The following CNKSR1 variants were observed in gnomAD, a reference collection of about 807,000 sequenced individuals.
The protein encoded by CNKSR1 is connector enhancer of kinase suppressor of Ras 1.
Under a neutral mutation model 95.6 loss-of-function variants are expected in CNKSR1, and 88 were observed. The ratio of observed to expected loss-of-function variants is 0.92; its 90% CI spans 0.78 to 1.10. CNKSR1 has a LOEUF of 1.10. Ranked by LOEUF, CNKSR1 falls within the 50% of genes least tolerant of loss-of-function variation. The pLI, the probability that CNKSR1 is intolerant of heterozygous loss-of-function variation, is 0.00. For synonymous variants in CNKSR1, 355 were observed against 369.7 expected, an observed-to-expected ratio of 0.96 and a Z score of 0.46; for missense variants, 836 against 912.0, an observed-to-expected ratio of 0.92 and a Z score of 1.07.
intron 4 of CNKSR1, 138 bp downstream of exon 4, chr1:26,182,079 C>T (rs1275832602): frequency 2.3e-6 from 2 of 886,828 alleles, no homozygotes; most frequent in Middle Eastern, 3.1e-4. Context: ...GGCCCTGCCA[C>T]TGGGTATGGG....
In CNKSR1 at chr1:26,187,492, G is replaced by A. The variant is rs17163639; in HGVS notation, c.1454+10G>A. 2.0e-3 allele frequency: 3,177 copies of A among 1,613,322 alleles called. 61 individuals carry two copies. The African/African-American group carries it at 0.037, about 19-fold the overall frequency. On this transcript the variant is annotated intron_variant, in intron 16 of 20. Transcript: ENST00000361530. ...TGACAGATCTGAGCATGTGAGTGCC[G>A]CCTCCCTTAGCCCCTACTCTCATAT...
Position 26,188,287 on chromosome 1 carries a change from C to A in CNKSR1, c.1508C>A (p.Ala503Asp). Reference sequence around the variant, plus strand: ...TCCAAGTACCAGTCTCCAGGCCGGGCCCCCCCACCCCGAGAGGAAGGTAGG... The same window carrying A: ...TCCAAGTACCAGTCTCCAGGCCGGGACCCCCCACCCCGAGAGGAAGGTAGG... The part of the protein sequence containing the change: ...CISKYQSPGR[A>D]PPPREEDCYS... Residue 503 changes from alanine (A) to aspartate (D), a missense_variant, in exon 17 of 21, where the codon GCC becomes GAC. Physicochemically the swap from Ala to Asp is moderately radical, Grantham distance 126 (BLOSUM62 -2). Coordinates refer to ENST00000361530, the MANE Select transcript of CNKSR1 (RefSeq NM_006314.3). The A allele has an allele frequency of 6.2e-7, 1 of 1,613,508 alleles. No individual in the cohort carries two copies. Among genetic ancestry groups the A allele is most frequent in the South Asian group, 1.1e-5 (1 of 91,058 alleles).
chr1:26,183,263 G>A lies in CNKSR1; in HGVS notation c.684+7G>A, dbSNP rs368154339. The A allele has an allele frequency of 3.7e-6, 6 of 1,614,034 alleles. No homozygotes were observed. Among genetic ancestry groups the A allele is most frequent in the African/African-American group, 2.7e-5 (2 of 74,900 alleles). On this transcript the variant is annotated splice_region_variant and intron_variant, in intron 7 of 20. Transcript: ENST00000361530. Reference sequence around the variant, plus strand: ...GTCCCAAGTGGACACCCAGGTGAGAGCCCCACACCCTTCTCAGCCGCCCAT... The same window carrying A: ...GTCCCAAGTGGACACCCAGGTGAGAACCCCACACCCTTCTCAGCCGCCCAT...
rs79149570 is a variant in CNKSR1, at chr1:26,188,525, G to T, written c.1590+22G>T. On this transcript the variant is annotated intron_variant, in intron 18 of 20. Coordinates refer to ENST00000361530, the MANE Select transcript of CNKSR1 (RefSeq NM_006314.3). Reference sequence around the variant, plus strand: ...CTCGGTGAGTGGGGGGCTGCCGGGGGTAGGAGGTGGGGATAAACAACAGGG... The same window carrying T: ...CTCGGTGAGTGGGGGGCTGCCGGGGTTAGGAGGTGGGGATAAACAACAGGG... The T allele has an allele frequency of 3.2e-3, 5,099 of 1,604,246 alleles. 112 individuals are homozygous for T. The African/African-American group carries it at 0.054, about 17-fold the overall frequency.
At position 26,184,059 on chromosome 1, in the gene CNKSR1, G is replaced by A. The variant is rs749955627; in HGVS notation, c.856-12G>A. The A allele has an allele frequency of 4.4e-6, 7 of 1,607,392 alleles. No individual in the cohort carries two copies. Among genetic ancestry groups the A allele is most frequent in the Non-Finnish European group, 5.9e-6 (7 of 1,177,600 alleles). On this transcript the variant is annotated splice_polypyrimidine_tract_variant and intron_variant, in intron 9 of 20. Coordinates refer to ENST00000361530, the MANE Select transcript of CNKSR1 (RefSeq NM_006314.3). ...CCCTGTCTCCATTGCTTTGTTCCTG[G>A]TTGTTCCCCAGACGCCCCCTCAGGT...
At chr1:26,187,275 G>A in intron 15 of CNKSR1, 34 bp downstream of exon 15, 1 of 1,601,072 alleles carries the variant, frequency 6.2e-7, no homozygotes, top group Non-Finnish European at 8.6e-7. Flanking sequence ...CTGGGGGATG[G>A]AGACAGAAAG....
chr1:26,186,362 A>G (rs1319021929), intron 14 of CNKSR1, among the ~76,000 whole-genome samples: 2 of 152,064 alleles, frequency 1.3e-5, no homozygotes, highest in Non-Finnish European at 2.9e-5. Flanking sequence ...GGGCAGTGGC[A>G]TGATCTCAGC....
chr1:26,185,666 A>G (rs968175763), intron 14 of CNKSR1, among the ~76,000 whole-genome samples: 1 of 152,068 alleles, frequency 6.6e-6, no homozygotes, highest in African/African-American at 2.4e-5. Context: ...TGCTGGGATT[A>G]CAGGCGTGAG....
chr1:26,185,147 G>A lies in CNKSR1; in HGVS notation c.1269G>A (p.Val423=). The change falls in exon 14 of 21, where the codon GTG becomes GTA. Residue 423 remains valine (V), a synonymous_variant. Coordinates refer to ENST00000361530, the MANE Select transcript of CNKSR1 (RefSeq NM_006314.3). ...MGPRWRRRWF[V]LKGHTLYWYR... ...CGCGCTGGCGCCGCCGCTGGTTTGT[G>A]CTCAAGGGACACACGCTCTACTGGT... 1.3e-6 allele frequency: 2 copies of A among 1,571,546 alleles called. No individual in the cohort carries two copies. The highest frequency in any genetic ancestry group is 1.2e-5 in the South Asian group (1 of 85,974).
intron 16 of CNKSR1, 99 bp from the exon 17 acceptor site, chr1:26,188,135 C>T: frequency 1.0e-6 from 1 of 1,001,348 alleles, no homozygotes; most frequent in Non-Finnish European, 1.6e-6. Context: ...CTCAGAGTTG[C>T]TCTGAGGATC....
Position 26,182,371 on chromosome 1 carries a change from C to A in CNKSR1, c.488C>A (p.Ala163Glu), listed in dbSNP as rs148174101. 1 of 1,613,906 alleles carries A rather than the reference C, an allele frequency of 6.2e-7. No individual in the cohort carries two copies. Among genetic ancestry groups the A allele is most frequent in the Admixed American group, 1.7e-5 (1 of 60,008 alleles). ...TCATTCTACTTCCAGGATGGTCCAGCGGCTGAGAAGGAGGGCACAGTCCTG... is the reference window on the plus strand; with the variant it reads ...TCATTCTACTTCCAGGATGGTCCAGAGGCTGAGAAGGAGGGCACAGTCCTG... ...LSQVLHEDGP[A>E]AEKEGTVLRI... Residue 163 changes from alanine (A) to glutamate (E), a missense_variant, in exon 5 of 21, where the codon GCG becomes GAG. Physicochemically the swap from Ala to Glu is moderately radical, Grantham distance 107. Transcript: ENST00000361530.
In CNKSR1 at chr1:26,187,944, A is replaced by G. The variant is rs886778827; in HGVS notation, c.1455-290A>G. Among the ~76,000 whole-genome samples the G allele has an allele frequency of 2.6e-5, 4 of 151,318 alleles. No individual in the cohort carries two copies. In the South Asian group the frequency reaches 8.4e-4, roughly 32 times the overall value. On this transcript the variant is annotated intron_variant, in intron 16 of 20. Transcript: ENST00000361530. ...CATCTCTCTTTTTTTTTAATTAAAA[A>G]GTTTTGTGGGGAGATGGGTTTGCCC...
intron 1 of CNKSR1, chr1:26,180,191 G>A (rs1336927199): frequency 3.7e-6 from 2 of 543,808 alleles, no homozygotes; most frequent in Non-Finnish European, 3.3e-6. Context: ...GGTGTGGGGT[G>A]AGGCCTGATA....
chr1:26,177,953 C>T (rs180843493), intron 1 of CNKSR1, among the ~76,000 whole-genome samples: 49 of 151,132 alleles, frequency 3.2e-4, no homozygotes, highest in African/African-American at 1.2e-3. Context: ...GACGACAGAG[C>T]GAGATTCAGC....
At position 26,182,372 on chromosome 1, in the gene CNKSR1, G is replaced by A. The variant is rs2088661190; in HGVS notation, c.489G>A (p.Ala163=). The change falls in exon 5 of 21, where the codon GCG becomes GCA. Residue 163 remains alanine, a synonymous_variant. Transcript: ENST00000361530. ...CATTCTACTTCCAGGATGGTCCAGCGGCTGAGAAGGAGGGCACAGTCCTGA... is the reference window on the plus strand; with the variant it reads ...CATTCTACTTCCAGGATGGTCCAGCAGCTGAGAAGGAGGGCACAGTCCTGA... ...LSQVLHEDGP[A]AEKEGTVLRI... is the part of the protein sequence containing the mutation. 3 of 1,614,078 alleles carry A rather than the reference G, an allele frequency of 1.9e-6. No individual in the cohort carries two copies. The highest frequency in any genetic ancestry group is 1.6e-4 in the Middle Eastern group (1 of 6,062).
intron 1 of CNKSR1, among the ~76,000 whole-genome samples, chr1:26,179,569 T>G (rs1331832990): frequency 1.3e-5 from 2 of 152,202 alleles, no homozygotes; most frequent in African/African-American, 4.8e-5. Context: ...TGGTAAAGTC[T>G]GGCAATAATA....
chr1:26,187,254 G>A lies in CNKSR1; in HGVS notation c.1382+13G>A. ...AGAAGAAGAAATAGTTAAGTCTTGG[G>A]GTGTGATGGGCTGGGGGATGGAGAC... is the stretch of plus-strand genomic sequence containing the variant. On this transcript the variant is annotated intron_variant, in intron 15 of 20. Transcript: ENST00000361530. The A allele has an allele frequency of 6.2e-7, 1 of 1,609,912 alleles. No homozygotes were observed.
chr1:26,183,904 C>A (rs1252720199), intron 9 of CNKSR1, 74 bp downstream of exon 9: 1 of 513,510 alleles, frequency 1.9e-6, no homozygotes, highest in South Asian at 1.7e-5. Context: ...ACCACCCCCA[C>A]ACCTGCCTTC....
intron 4 of CNKSR1, 34 bp from the exon 5 acceptor site, chr1:26,182,326 CA>C (rs774898200): frequency 6.2e-7 from 1 of 1,611,818 alleles, no homozygotes; most frequent in South Asian, 1.1e-5. Context: ...GGCCCTTGCT[CA>C]GGGGAGGCCC....
Sources: gnomAD v4.1 joint callset for allele counts (sites outside exome capture counted in the v4.1 genomes callset) on GRCh38, gnomAD v4.1.1 for gene constraint, MANE v1.5 for transcripts, NCBI Gene and HGNC (gene_info 2026-07-23, HGNC 2026-07-21) for gene names.